Variants in TCF20 observed in about 807,000 individuals in gnomAD.
TCF20 encodes SPRE-binding protein.
In TCF20, 3 loss-of-function variants were observed where a neutral mutation model predicts 148.6. The observed-to-expected ratio is 0.02, with a 90% CI of 0.01 to 0.05. The LOEUF is 0.05. Among genes scored for constraint, TCF20 ranks in the 10% least tolerant of loss-of-function variants. The pLI is 1.00. For missense variants in TCF20, 2,350 were observed against 2,429.3 expected (o/e 0.97, Z 0.69); for synonymous variants, 1,049 against 909.5 (o/e 1.15, Z -2.76).
rs1471964915 is a variant in TCF20, at chr22:42,209,692, G to T, written c.5614C>A (p.Leu1872Ile). 6.2e-7 allele frequency: 1 copy of T among 1,614,016 alleles called. No individual in the cohort carries two copies. Among genetic ancestry groups the T allele is most frequent in the Non-Finnish European group, 8.5e-7 (1 of 1,180,014 alleles). ...ANGIYLVCGR[L>I]YGLQEALEIA... Reference sequence around the variant, plus strand: ...TCCAGCGCTTCCTGCAGGCCATAGAGCCTGCCACAAACCAGGTAGATTCCA... The same window carrying T: ...TCCAGCGCTTCCTGCAGGCCATAGATCCTGCCACAAACCAGGTAGATTCCA... Residue 1872 changes from leucine to isoleucine, a missense_variant, in exon 2 of 6, where the codon CTC becomes ATC. Leu to Ile is a conservative substitution (Grantham distance 5). Coordinates refer to ENST00000677622, the MANE Select transcript of TCF20 (RefSeq NM_001378418.1).
chr22:42,178,555 C>T (rs1601531114), intron 3 of TCF20, among the ~76,000 whole-genome samples: 1 of 149,366 alleles, frequency 6.7e-6, no homozygotes, highest in Non-Finnish European at 1.5e-5. Context: ...AAAACATTTG[C>T]AAACCACATA....
intron 1 of TCF20, among the ~76,000 whole-genome samples, chr22:42,229,636 C>T (rs1287784903): frequency 1.3e-5 from 2 of 152,144 alleles, no homozygotes; most frequent in African/African-American, 4.8e-5. Flanking sequence ...CCATACTGCT[C>T]ACTATTGGCC....
intron 1 of TCF20, among the ~76,000 whole-genome samples, chr22:42,219,493 A>G (rs1922153805): frequency 6.6e-6 from 1 of 151,936 alleles, no homozygotes; most frequent in Non-Finnish European, 1.5e-5. Flanking sequence ...CTTTGTTTAA[A>G]TGAATACAAA....
rs1366785675 is a variant in TCF20, at chr22:42,182,406, G to A, written c.5656-2704C>T. Among the ~76,000 whole-genome samples the A allele has an allele frequency of 2.0e-5, 3 of 152,312 alleles. No homozygotes were observed. In the East Asian group the frequency reaches 5.8e-4, roughly 29 times the overall value. On this transcript the variant is annotated intron_variant, in intron 2 of 5. Transcript: ENST00000677622. ...CAAGATGACCATGTGTCAGACATATGCTAGATAATCTACAAAGACCATCTC... is the reference window on the plus strand; with the variant it reads ...CAAGATGACCATGTGTCAGACATATACTAGATAATCTACAAAGACCATCTC...
rs909246813 is a variant in TCF20, at chr22:42,338,641, G to A, written c.-37+4838C>T. ...TCCTGCCTGCTCGGGAAAGGCGGAG[G>A]CAGACAGCCATGTTGCCAGCTCCTG... On this transcript the variant is annotated intron_variant, in intron 1 of 1. Transcript: ENST00000515426. This position sits in a 1 kb window ranked among gnomAD's most constrained non-coding sequence, Gnocchi z 4.0. Among the ~76,000 whole-genome samples the A allele has an allele frequency of 6.6e-6, 1 of 152,228 alleles. No individual in the cohort carries two copies. Among genetic ancestry groups the A allele is most frequent in the Non-Finnish European group, 1.5e-5 (1 of 68,038 alleles).
chr22:42,252,865 C>A (rs920165362), intron 1 of TCF20, among the ~76,000 whole-genome samples: 4 of 151,950 alleles, frequency 2.6e-5, no homozygotes, highest in Non-Finnish European at 2.9e-5. Flanking sequence ...TTCATACAAC[C>A]ATTTTAACTC....
At chr22:42,209,509 TATTTC>T in intron 2 of TCF20, 137 bp downstream of exon 2, 2 of 963,006 alleles carry the variant, frequency 2.1e-6, no homozygotes, top group Non-Finnish European at 3.1e-6. Flanking sequence ...CCAAATTACC[TATTTC>T]ATTTTCTGTC....
Position 42,211,921 on chromosome 22 carries a change from G to T in TCF20, c.3385C>A (p.Leu1129Ile). 6.2e-7 allele frequency: 1 copy of T among 1,614,204 alleles called. No homozygotes were observed. Among genetic ancestry groups the T allele is most frequent in the Non-Finnish European group, 8.5e-7 (1 of 1,180,038 alleles). Reference protein sequence around the residue: ...PRKSPRQQQFLDRVRSPLKND... With the variant: ...PRKSPRQQQFIDRVRSPLKND... ...TTCAGAGGGCTCCGTACTCTGTCAA[G>T]AAACTGCTGCTGCCTTGGACTCTTC... Residue 1129 changes from leucine (L) to isoleucine (I), a missense_variant, in exon 2 of 6, where the codon CTT becomes ATT. By Grantham distance (5) the Leu-to-Ile change is conservative. Transcript: ENST00000677622.
In TCF20 at chr22:42,213,787, G is replaced by C. The variant is rs371550964; in HGVS notation, c.1519C>G (p.Pro507Ala). The C allele has an allele frequency of 6.2e-5, 100 of 1,614,036 alleles. No individual in the cohort carries two copies. The highest frequency in any genetic ancestry group is 8.2e-5 in the Non-Finnish European group (97 of 1,180,050). Residue 507 changes from proline (P) to alanine (A), a missense_variant, in exon 2 of 6, where the codon CCT becomes GCT. Coordinates refer to ENST00000677622, the MANE Select transcript of TCF20 (RefSeq NM_001378418.1). ...ATAGGGGACTTCAGCTGTTCTTCAGGTTGTGAGGAGCCTTCAGAATTTGTG... is the reference window on the plus strand; with the variant it reads ...ATAGGGGACTTCAGCTGTTCTTCAGCTTGTGAGGAGCCTTCAGAATTTGTG... ...SCTNSEGSSQ[P>A]EEQLKSPMAE...
At chr22:42,318,882 GGCCAGCTGAGGCCTGGGGCCATGAAATCA>G (rs1312795480) in intron 1 of TCF20, among the ~76,000 whole-genome samples, 2 of 152,190 alleles carry the variant, frequency 1.3e-5, no homozygotes, top group African/African-American at 4.8e-5. Context: ...TTGACCCTGT[GGCCAGCTGAGGCCTGGGGCCATGAAATCA>G]GCCAGCAGAG....
chr22:42,174,696 C>T (rs1936329477), intron 3 of TCF20, among the ~76,000 whole-genome samples: 1 of 152,038 alleles, frequency 6.6e-6, no homozygotes. Flanking sequence ...CTGGGCAACA[C>T]AGTGAGACCC....
chr22:42,323,784 T>C (rs1364809766), intron 1 of TCF20, among the ~76,000 whole-genome samples: 1 of 150,240 alleles, frequency 6.7e-6, no homozygotes, highest in African/African-American at 2.4e-5. Context: ...CTGTACCTAC[T>C]TTCCAAGGCT....
At chr22:42,224,246 C>A (rs1050862727) in intron 1 of TCF20, among the ~76,000 whole-genome samples, 2 of 151,750 alleles carry the variant, frequency 1.3e-5, no homozygotes, top group African/African-American at 4.9e-5. Flanking sequence ...CCGAGGTGGG[C>A]GGATAACGAG....
At chr22:42,162,381 C>T (rs140789992) in intron 5 of TCF20, among the ~76,000 whole-genome samples, 13 of 152,212 alleles carry the variant, frequency 8.5e-5, no homozygotes, top group African/African-American at 3.1e-4. Context: ...TTAATCCTTT[C>T]GACCTCTCAG....
intron 3 of TCF20, 75 bp downstream of exon 3, chr22:42,179,534 C>T (rs181134672): frequency 2.0e-5 from 17 of 830,120 alleles, no homozygotes; most frequent in African/African-American, 9.2e-5. Context: ...AAAAAAACAA[C>T]GACAACAGAG....
At chr22:42,244,769 G>A (rs183027503) in intron 1 of TCF20, among the ~76,000 whole-genome samples, 4 of 152,190 alleles carry the variant, frequency 2.6e-5, no homozygotes, top group Admixed American at 6.5e-5. Context: ...ATTTTGTCAC[G>A]TGAATTTCAT....
chr22:42,183,060 CCTAAAT>C (rs1326941170), intron 2 of TCF20, among the ~76,000 whole-genome samples: 1 of 152,206 alleles, frequency 6.6e-6, no homozygotes. Flanking sequence ...TTGAGCCCCA[CCTAAAT>C]CTGTGTTGTG....
At chr22:42,183,307 AT>A (rs1569114313) in intron 2 of TCF20, among the ~76,000 whole-genome samples, 1 of 152,192 alleles carries the variant, frequency 6.6e-6, no homozygotes, top group Admixed American at 6.5e-5. Context: ...GTGATCTTAT[AT>A]ATACAAAATC....
chr22:42,310,985 C>T (rs961853009), intron 1 of TCF20, among the ~76,000 whole-genome samples: 4 of 152,226 alleles, frequency 2.6e-5, no homozygotes, highest in Non-Finnish European at 5.9e-5. Context: ...CTCATCAATA[C>T]CCAAGAAAAT....
Sources: gnomAD v4.1 joint callset for allele counts (sites outside exome capture counted in the v4.1 genomes callset) on GRCh38, gnomAD v4.1.1 for gene constraint, Gnocchi (gnomAD v3.1) non-coding constraint, MANE v1.5 for transcripts, NCBI Gene and HGNC (gene_info 2026-07-23, HGNC 2026-07-21) for gene names.